The following KIF26B variants were observed in gnomAD, a reference collection of about 807,000 sequenced individuals.
The protein encoded by KIF26B is kinesin family member 26B.
In KIF26B, 63 loss-of-function variants were observed where a neutral mutation model predicts 151.2. That is an observed-to-expected ratio of 0.42 (90% CI 0.34 to 0.51). The LOEUF is 0.51. KIF26B is among the 20% of genes least tolerant of loss of function. KIF26B has a pLI of 0.07. For synonymous variants in KIF26B, 1,357 were observed against 1,262.1 expected (o/e 1.08, Z -1.59); for missense variants, 2,813 against 2,913.6 (o/e 0.97, Z 0.79).
chr1:245,428,874 A>G (rs1411445927), intron 4 of KIF26B, among the ~76,000 whole-genome samples: 3 of 151,782 alleles, frequency 2.0e-5, no homozygotes, highest in East Asian at 3.9e-4. Context: ...AGCAATTTCA[A>G]CAAGCCTCAA....
chr1:245,643,055 C>T (rs1011984524), intron 9 of KIF26B, among the ~76,000 whole-genome samples: 4 of 152,148 alleles, frequency 2.6e-5, no homozygotes, highest in Admixed American at 6.5e-5. Context: ...CACTCCAGCT[C>T]TTATGGTTAC....
intron 2 of KIF26B, among the ~76,000 whole-genome samples, chr1:245,247,318 C>T (rs77620746): frequency 1.2e-4 from 18 of 149,990 alleles, no homozygotes; most frequent in African/African-American, 3.9e-4. Context: ...ATTAGCTGGG[C>T]GTGGTGGTGC....
chr1:245,248,606 G>T (rs1370857576), intron 2 of KIF26B, among the ~76,000 whole-genome samples: 1 of 152,190 alleles, frequency 6.6e-6, no homozygotes, highest in Non-Finnish European at 1.5e-5. Flanking sequence ...ATCGTAATGA[G>T]CCCACGTGCT....
chr1:245,679,526 T>A (rs1475780015), intron 10 of KIF26B, among the ~76,000 whole-genome samples: 1 of 132,026 alleles, frequency 7.6e-6, no homozygotes, highest in Admixed American at 9.0e-5. Flanking sequence ...TGGAGTGCAG[T>A]GGCGCAATCT....
intron 4 of KIF26B, among the ~76,000 whole-genome samples, chr1:245,473,003 G>A (rs1157412278): frequency 2.0e-5 from 3 of 152,208 alleles, no homozygotes; most frequent in Admixed American, 1.3e-4. Flanking sequence ...TGTGTAGACA[G>A]CAGTGTGTTG....
At chr1:245,389,884 G>A (rs113760260) in intron 3 of KIF26B, among the ~76,000 whole-genome samples, 3,410 of 152,176 alleles carry the variant, frequency 0.022, 131 homozygotes, top group African/African-American at 0.078. Context: ...ACATTCTTAG[G>A]TTGCTCCTTC....
intron 3 of KIF26B, among the ~76,000 whole-genome samples, chr1:245,418,308 A>G (rs1674470258): frequency 6.6e-6 from 1 of 152,204 alleles, no homozygotes; most frequent in Non-Finnish European, 1.5e-5. Flanking sequence ...AGTTTCTGTC[A>G]CTTGGGTCAA....
chr1:245,171,593 A>T (rs1668710083), intron 2 of KIF26B, among the ~76,000 whole-genome samples: 1 of 152,236 alleles, frequency 6.6e-6, no homozygotes, highest in Non-Finnish European at 1.5e-5. Flanking sequence ...ATGTCAATTG[A>T]AATAAAGGCC....
At chr1:245,625,494 T>C (rs2043714469) in intron 9 of KIF26B, among the ~76,000 whole-genome samples, 1 of 152,190 alleles carries the variant, frequency 6.6e-6, no homozygotes, top group Non-Finnish European at 1.5e-5. Context: ...TTTAAACATG[T>C]ATTTCTTTTA....
intron 2 of KIF26B, among the ~76,000 whole-genome samples, chr1:245,225,825 G>T (rs910963376): frequency 2.0e-5 from 3 of 152,116 alleles, no homozygotes; most frequent in African/African-American, 7.2e-5. Context: ...AAAAACAATA[G>T]CATAAAACAG....
chr1:245,335,573 A>G (rs1226177241), intron 2 of KIF26B, among the ~76,000 whole-genome samples: 15 of 151,856 alleles, frequency 9.9e-5, no homozygotes, highest in Admixed American at 8.5e-4. Flanking sequence ...CAGGGAAAGG[A>G]GAGTCCCACG....
At chr1:245,654,901 G>C (rs2044056753) in intron 10 of KIF26B, among the ~76,000 whole-genome samples, 1 of 152,250 alleles carries the variant, frequency 6.6e-6, no homozygotes, top group South Asian at 2.1e-4. Context: ...AGGTGAGAAT[G>C]ACGGCAGGGC....
Position 245,702,945 on chromosome 1 carries a change from A to AGGAG in KIF26B, c.*342_*345dup. 1 of 247,026 alleles carries AGGAG rather than the reference A, an allele frequency of 4.0e-6. No homozygotes were observed. Among genetic ancestry groups the AGGAG allele is most frequent in the Non-Finnish European group, 7.7e-6 (1 of 129,602 alleles). The allele number at this position is 247,026 out of a possible 1,614,324, so 15.3% of individuals were successfully genotyped here. On this transcript the variant is annotated 3_prime_UTR_variant, in exon 15 of 15. Coordinates refer to ENST00000407071, the MANE Select transcript of KIF26B (RefSeq NM_018012.4). The surrounding 1 kb of genome is among the most constrained non-coding windows in gnomAD (Gnocchi z 4.1). ...CACTCTTCTCTTGCTTTCGTGAGAA[A>AGGAG]GGAGGGGCGTGGATGTAGGATTGCT...
intron 5 of KIF26B, among the ~76,000 whole-genome samples, chr1:245,550,969 G>A (rs1378385552): frequency 2.0e-5 from 3 of 152,154 alleles, no homozygotes; most frequent in Non-Finnish European, 4.4e-5. Context: ...AGGGCCCTGG[G>A]GAATGCCTTA....
At chr1:245,304,699 C>CTCCATCCA (rs547585018) in intron 2 of KIF26B, among the ~76,000 whole-genome samples, 4 of 150,552 alleles carry the variant, frequency 2.7e-5, no homozygotes, top group African/African-American at 5.0e-5. Context: ...ACGTCCATCC[C>CTCCATCCA]TCCATCCATC....
At chr1:245,371,027 G>A (rs1425715185) in intron 3 of KIF26B, among the ~76,000 whole-genome samples, 4 of 152,130 alleles carry the variant, frequency 2.6e-5, no homozygotes, top group African/African-American at 7.2e-5. Context: ...TCCTAATCCC[G>A]CCCGATGTGG....
intron 12 of KIF26B, among the ~76,000 whole-genome samples, chr1:245,691,138 G>A (rs1017015152): frequency 2.6e-5 from 4 of 152,142 alleles, no homozygotes; most frequent in African/African-American, 9.7e-5. Context: ...TTATTTCCGT[G>A]GCTTTCACAG....
At chr1:245,172,626 A>T (rs1426188996) in intron 2 of KIF26B, among the ~76,000 whole-genome samples, 1 of 152,198 alleles carries the variant, frequency 6.6e-6, no homozygotes, top group Non-Finnish European at 1.5e-5. Flanking sequence ...CCTGGCCAAC[A>T]TGGTGAAACC....
At chr1:245,305,953 A>AAAG (rs1558382612) in intron 2 of KIF26B, among the ~76,000 whole-genome samples, 1 of 151,490 alleles carries the variant, frequency 6.6e-6, no homozygotes, top group Non-Finnish European at 1.5e-5. Flanking sequence ...AAAAAAAAAA[A>AAAG]AAAAGAAAAG....
Sources: allele counts gnomAD v4.1 joint callset (sites outside exome capture counted in the v4.1 genomes callset), GRCh38; gene constraint gnomAD v4.1.1; non-coding constraint Gnocchi (gnomAD v3.1); transcripts MANE v1.5; gene names NCBI Gene and HGNC (gene_info 2026-07-23, HGNC 2026-07-21).